CTNNA3: variants seen among roughly 807,000 people sequenced by gnomAD.
CTNNA3 encodes catenin alpha-3.
A neutral mutation model predicts 95.7 loss-of-function variants in CTNNA3; 76 were observed. The ratio of observed to expected loss-of-function variants is 0.79; its 90% CI spans 0.66 to 0.96. CTNNA3 has a LOEUF of 0.96. Ranked by LOEUF, CTNNA3 falls within the 40% of genes least tolerant of loss-of-function variation. The pLI, the probability that CTNNA3 is intolerant of heterozygous loss-of-function variation, is 0.00. For synonymous variants in CTNNA3, 431 were observed against 374.4 expected (o/e 1.15, Z -1.74); for missense variants, 1,191 against 1,089.8 (o/e 1.09, Z -1.31).
At chr10:66,529,904 A>G (rs1472627261) in intron 10 of CTNNA3, among the ~76,000 whole-genome samples, 1 of 152,190 alleles carries the variant, frequency 6.6e-6, no homozygotes, top group African/African-American at 2.4e-5. Context: ...TTACCTCTCC[A>G]GGACCTATTT....
At chr10:67,188,916 A>C (rs2132167463) in intron 6 of CTNNA3, among the ~76,000 whole-genome samples, 1 of 152,262 alleles carries the variant, frequency 6.6e-6, no homozygotes. Context: ...CAGGAGTTCA[A>C]GACCAGCCTG....
At chr10:67,067,658 AG>A (rs1856175285) in intron 7 of CTNNA3, among the ~76,000 whole-genome samples, 1 of 152,242 alleles carries the variant, frequency 6.6e-6, no homozygotes, top group African/African-American at 2.4e-5. Flanking sequence ...GCTAAGAGTC[AG>A]TATTATTAAC....
At chr10:66,628,422 A>G (rs946175175) in intron 9 of CTNNA3, among the ~76,000 whole-genome samples, 2 of 152,106 alleles carry the variant, frequency 1.3e-5, no homozygotes, top group African/African-American at 4.8e-5. Context: ...CTGAGAAAAG[A>G]AAGTCCTTAG....
At chr10:67,251,224 C>A (rs1044011061) in intron 5 of CTNNA3, among the ~76,000 whole-genome samples, 8 of 152,076 alleles carry the variant, frequency 5.3e-5, no homozygotes, top group African/African-American at 1.9e-4. Context: ...GTAAAAGAAG[C>A]CAATCACAAA....
intron 3 of CTNNA3, among the ~76,000 whole-genome samples, chr10:67,554,339 T>A (rs2133236614): frequency 6.6e-6 from 1 of 152,352 alleles, no homozygotes; most frequent in African/African-American, 2.4e-5. Context: ...TGCCACACTG[T>A]CTTCCACAAT....
At chr10:66,160,935 C>T (rs1396461663) in intron 13 of CTNNA3, among the ~76,000 whole-genome samples, 3 of 152,070 alleles carry the variant, frequency 2.0e-5, no homozygotes, top group African/African-American at 4.8e-5. Flanking sequence ...TATATAATGT[C>T]CCTCTTTGTC....
intron 13 of CTNNA3, among the ~76,000 whole-genome samples, chr10:66,217,968 G>A (rs553547241): frequency 1.3e-5 from 2 of 152,174 alleles, no homozygotes; most frequent in South Asian, 2.1e-4. Flanking sequence ...CTAGGGGAAG[G>A]AGCTGGAGCC....
chr10:66,411,236 T>C (rs2093102788), intron 11 of CTNNA3, among the ~76,000 whole-genome samples: 1 of 151,376 alleles, frequency 6.6e-6, no homozygotes. Context: ...AAATCATTGA[T>C]TCTTAAAGTA....
At chr10:66,086,720 G>A (rs1262230792) in intron 14 of CTNNA3, among the ~76,000 whole-genome samples, 2 of 152,006 alleles carry the variant, frequency 1.3e-5, no homozygotes, top group Middle Eastern at 3.2e-3. Flanking sequence ...AAGAATGGCT[G>A]TTCCTTTGGT....
chr10:67,642,877 T>C (rs1384590975), intron 2 of CTNNA3, among the ~76,000 whole-genome samples: 2 of 152,068 alleles, frequency 1.3e-5, no homozygotes, highest in South Asian at 2.1e-4. Context: ...TTGGTGGGTA[T>C]GTAAATTAGT....
At position 66,280,563 on chromosome 10, in the gene CTNNA3, T is replaced by C; in HGVS notation, c.1791A>G (p.Ser597=). 6.2e-7 allele frequency: 1 copy of C among 1,610,084 alleles called. No individual in the cohort carries two copies. Among genetic ancestry groups the C allele is most frequent in the Non-Finnish European group, 8.5e-7 (1 of 1,177,794 alleles). ...ATTGATTATCATCCAACACATTCAATGAGCTTTTGCTTAAGGCTTCCAAGG... is the reference window on the plus strand; with the variant it reads ...ATTGATTATCATCCAACACATTCAACGAGCTTTTGCTTAAGGCTTCCAAGG... ...NVALEALSKS[S]LNVLDDNQFV... is the part of the protein sequence containing the mutation. The change falls in exon 13 of 18, where the codon TCA becomes TCG. Residue 597 remains serine (S), a synonymous_variant. Transcript: ENST00000433211.
intron 12 of CTNNA3, among the ~76,000 whole-genome samples, chr10:66,375,964 A>G (rs1393889765): frequency 6.6e-5 from 10 of 152,170 alleles, no homozygotes; most frequent in African/African-American, 2.2e-4. Flanking sequence ...CCAGTTGCCA[A>G]CAGTGGATGC....
intron 5 of CTNNA3, among the ~76,000 whole-genome samples, chr10:67,388,942 G>A (rs911705624): frequency 6.6e-6 from 1 of 151,850 alleles, no homozygotes; most frequent in East Asian, 1.9e-4. Context: ...ACCAGTACCA[G>A]CCGCTGCAAA....
intron 7 of CTNNA3, among the ~76,000 whole-genome samples, chr10:66,814,755 C>CT: frequency 6.6e-6 from 1 of 151,944 alleles, no homozygotes. Context: ...CAGAGAGACT[C>CT]TATCTCAAAT....
chr10:66,162,048 T>A (rs1589600875), intron 13 of CTNNA3, among the ~76,000 whole-genome samples: 1 of 151,954 alleles, frequency 6.6e-6, no homozygotes. Flanking sequence ...GTTTCCTGAA[T>A]TTTTTATTTT....
chr10:66,382,992 C>T (rs2132501818), intron 11 of CTNNA3, among the ~76,000 whole-genome samples: 1 of 152,238 alleles, frequency 6.6e-6, no homozygotes, highest in Non-Finnish European at 1.5e-5. Flanking sequence ...GGGAAGAAAC[C>T]AGAGCAGAAA....
chr10:66,185,560 T>A (rs1164737524), intron 13 of CTNNA3, among the ~76,000 whole-genome samples: 1 of 152,022 alleles, frequency 6.6e-6, no homozygotes, highest in Non-Finnish European at 1.5e-5. Context: ...TATCAAGATT[T>A]CAGTAATGTA....
chr10:66,928,504 GC>G, intron 7 of CTNNA3: 1 of 1,502,778 alleles, frequency 6.7e-7, no homozygotes, highest in Non-Finnish European at 8.9e-7. Flanking sequence ...AATAAGTGGT[GC>G]TTTATTGAAC....
intron 11 of CTNNA3, among the ~76,000 whole-genome samples, chr10:66,503,886 A>T (rs977300274): frequency 1.3e-5 from 2 of 152,182 alleles, no homozygotes; most frequent in African/African-American, 4.8e-5. Context: ...GGCAGTTTGT[A>T]AGAACATAAT....
Sources: allele counts gnomAD v4.1 joint callset (sites outside exome capture counted in the v4.1 genomes callset), GRCh38; gene constraint gnomAD v4.1.1; transcripts MANE v1.5; gene names NCBI Gene and HGNC (gene_info 2026-07-23, HGNC 2026-07-21).